Variants in ANO10 observed in about 807,000 individuals in gnomAD.
The protein encoded by ANO10 is anoctamin-10.
Under a neutral mutation model 74.7 loss-of-function variants are expected in ANO10, and 77 were observed. The ratio of observed to expected loss-of-function variants is 1.03; its 90% CI spans 0.86 to 1.25. The LOEUF is 1.25. Ranked by LOEUF, ANO10 falls within the 50% of genes most tolerant of loss-of-function variation. The pLI is 0.00. For synonymous variants in ANO10, 279 were observed against 284.9 expected, an observed-to-expected ratio of 0.98 and a Z score of 0.21; for missense variants, 721 against 778.1, an observed-to-expected ratio of 0.93 and a Z score of 0.87.
At chr3:43,629,140 T>G (rs944974950) in intron 1 of ANO10, among the ~76,000 whole-genome samples, 2 of 152,194 alleles carry the variant, frequency 1.3e-5, no homozygotes, top group African/African-American at 4.8e-5. Context: ...AAAATTTCTC[T>G]CTTTTGTACT....
In ANO10 at chr3:43,691,321, T is replaced by C. The variant is rs1195184711; in HGVS notation, c.-12+196A>G. 4 of 300,766 alleles carry C rather than the reference T, an allele frequency of 1.3e-5. No homozygotes were observed. The South Asian group carries it at 6.0e-4, about 45-fold the overall frequency. The allele number at this position is 300,766 out of a possible 1,614,324, so 18.6% of individuals were successfully genotyped here. A position where few individuals can be genotyped will look rare whatever the true frequency, so the allele number is the denominator to read the frequency against. ...ACCCCGCGCGGAGGGTCCGCCCCGTTGTTGTATAAGCCACCCCGCGGGCCG... is the reference window on the plus strand; with the variant it reads ...ACCCCGCGCGGAGGGTCCGCCCCGTCGTTGTATAAGCCACCCCGCGGGCCG... On this transcript the variant is annotated intron_variant, in intron 1 of 3. Transcript: ENST00000413397.
intron 11 of ANO10, among the ~76,000 whole-genome samples, chr3:43,439,208 G>T (rs1478749226): frequency 6.6e-6 from 1 of 151,638 alleles, no homozygotes; most frequent in African/African-American, 2.4e-5. Flanking sequence ...AGAAGATTGG[G>T]GGCCAGAAGA....
intron 12 of ANO10, among the ~76,000 whole-genome samples, chr3:43,407,538 T>C (rs1022917289): frequency 6.6e-6 from 1 of 152,192 alleles, no homozygotes; most frequent in Non-Finnish European, 1.5e-5. Flanking sequence ...ATGTACCACC[T>C]TCCTTGGAAG....
chr3:43,512,521 A>C (rs2077548872), intron 11 of ANO10, among the ~76,000 whole-genome samples: 1 of 152,122 alleles, frequency 6.6e-6, no homozygotes, highest in Non-Finnish European at 1.5e-5. Flanking sequence ...AGTGGGCCAC[A>C]ACGCTAGCAG....
intron 1 of ANO10, among the ~76,000 whole-genome samples, chr3:43,669,121 G>T (rs2084025557): frequency 6.6e-6 from 1 of 151,958 alleles, no homozygotes; most frequent in African/African-American, 2.4e-5. Context: ...CCTCCCTTAG[G>T]TGGGACTGGA....
At chr3:43,548,306 G>T (rs1267938336) in intron 11 of ANO10, among the ~76,000 whole-genome samples, 1 of 152,136 alleles carries the variant, frequency 6.6e-6, no homozygotes, top group Non-Finnish European at 1.5e-5. Context: ...TAGCCAGCTG[G>T]TCTCTCCCTG....
At chr3:43,435,740 A>G (rs183779470) in intron 11 of ANO10, among the ~76,000 whole-genome samples, 130 of 152,344 alleles carry the variant, frequency 8.5e-4, no homozygotes, top group African/African-American at 2.9e-3. Context: ...TTAAAAGTGA[A>G]AGCATCAGTG....
intron 4 of ANO10, among the ~76,000 whole-genome samples, chr3:43,593,326 A>T (rs574777948): frequency 1.3e-5 from 2 of 152,338 alleles, no homozygotes; most frequent in African/African-American, 2.4e-5. Flanking sequence ...CCAAAGTTGA[A>T]ATGAAGGAAA....
chr3:43,507,249 AG>A (rs1413973068), intron 11 of ANO10, among the ~76,000 whole-genome samples: 1 of 152,170 alleles, frequency 6.6e-6, no homozygotes, highest in Admixed American at 6.5e-5. Flanking sequence ...CCACAAACAG[AG>A]GGATGTGAGA....
chr3:43,378,776 G>A (rs1176429004), intron 12 of ANO10, among the ~76,000 whole-genome samples: 2 of 152,038 alleles, frequency 1.3e-5, no homozygotes, highest in African/African-American at 4.8e-5. Flanking sequence ...ATAGAGCCTG[G>A]GTAAAGCTGG....
intron 11 of ANO10, among the ~76,000 whole-genome samples, chr3:43,462,323 A>G (rs2075415372): frequency 6.6e-6 from 1 of 152,104 alleles, no homozygotes; most frequent in South Asian, 2.1e-4. Flanking sequence ...TCCGCCTCCC[A>G]GGTTCAAGTG....
intron 4 of ANO10, among the ~76,000 whole-genome samples, chr3:43,596,312 C>T (rs1241773754): frequency 2.0e-5 from 3 of 152,168 alleles, no homozygotes; most frequent in Non-Finnish European, 2.9e-5. Flanking sequence ...CAAGACAATC[C>T]TAAGCCAAAA....
intron 12 of ANO10, among the ~76,000 whole-genome samples, chr3:43,418,164 C>T (rs982423026): frequency 7.9e-5 from 12 of 152,204 alleles, no homozygotes; most frequent in African/African-American, 2.2e-4. Flanking sequence ...GTAATCCCAG[C>T]TACTCAGGAG....
chr3:43,678,919 A>T (rs1244022188), intron 1 of ANO10, among the ~76,000 whole-genome samples: 1 of 152,206 alleles, frequency 6.6e-6, no homozygotes, highest in African/African-American at 2.4e-5. Flanking sequence ...CAGTTTTAGT[A>T]AGTTATGCTT....
intron 4 of ANO10, among the ~76,000 whole-genome samples, chr3:43,598,148 C>T (rs1195056844): frequency 6.6e-6 from 1 of 152,152 alleles, no homozygotes; most frequent in Non-Finnish European, 1.5e-5. Flanking sequence ...AATTTGCATA[C>T]CCAGTGAGAT....
chr3:43,534,172 ATAAT>A (rs548958036), intron 11 of ANO10, among the ~76,000 whole-genome samples: 142 of 152,350 alleles, frequency 9.3e-4, no homozygotes, highest in Middle Eastern at 3.4e-3. Context: ...AATAAAGAAG[ATAAT>A]TATTTATGTA....
At position 43,549,823 on chromosome 3, in the gene ANO10, A is replaced by G. The variant is rs2079377337; in HGVS notation, c.1694T>C (p.Ile565Thr). 10 of 1,614,058 alleles carry G rather than the reference A, an allele frequency of 6.2e-6. No homozygotes were observed. The South Asian group carries it at 9.9e-5, about 16-fold the overall frequency. Reference sequence around the variant, plus strand: ...CAGCGCACAGTTAGTGACCACAGATATAACACTCATCGTTTCAAAAGCCAA... The same window carrying G: ...CAGCGCACAGTTAGTGACCACAGATGTAACACTCATCGTTTCAAAAGCCAA... Reference protein sequence around the residue: ...WQLAFETMSVISVVTNCALIG... With the variant: ...WQLAFETMSVTSVVTNCALIG... Residue 565 changes from isoleucine (I) to threonine (T), a missense_variant, in exon 11 of 13, where the codon ATA becomes ACA. Transcript: ENST00000292246.
intron 10 of ANO10, among the ~76,000 whole-genome samples, chr3:43,552,830 G>A (rs2079549366): frequency 6.6e-6 from 1 of 150,980 alleles, no homozygotes; most frequent in Admixed American, 6.6e-5. Context: ...CTTTGCTCTT[G>A]TCACCCAGGC....
intron 1 of ANO10, among the ~76,000 whole-genome samples, chr3:43,635,433 A>T (rs530151795): frequency 1.1e-4 from 17 of 152,310 alleles, no homozygotes; most frequent in African/African-American, 4.1e-4. Context: ...TGTTACACTG[A>T]CTGCTATTCA....
Sources: gnomAD v4.1 joint callset for allele counts (sites outside exome capture counted in the v4.1 genomes callset) on GRCh38, gnomAD v4.1.1 for gene constraint, MANE v1.5 for transcripts, NCBI Gene and HGNC (gene_info 2026-07-23, HGNC 2026-07-21) for gene names.